Variants in CUL9 observed in about 807,000 individuals in gnomAD.
The protein encoded by CUL9 is cullin-9.
In CUL9, 79 loss-of-function variants were observed where a neutral mutation model predicts 272.6. The observed-to-expected ratio is 0.29, with a 90% CI of 0.24 to 0.35. The LOEUF (loss-of-function observed/expected upper bound fraction) is 0.35. Among genes scored for constraint, CUL9 ranks in the 10% least tolerant of loss-of-function variants. The pLI is 1.00. For synonymous variants in CUL9, 1,186 were observed against 1,286.5 expected (o/e 0.92, Z 1.67); for missense variants, 2,532 against 3,255.6 (o/e 0.78, Z 5.41).
rs1774031199 is a variant in CUL9, at chr6:43,196,720, GATTATAACCCA to G, written c.2663_2673del (p.Ile888ArgfsTer8). 3 of 1,614,230 alleles carry G rather than the reference GATTATAACCCA, an allele frequency of 1.9e-6. No individual in the cohort carries two copies. The East Asian group carries it at 6.7e-5, about 36-fold the overall frequency. ...GCAACCACCACACTCTGGGAGACCA[GATTATAACCCA>G]AGAGCTGAGAGACACGTTGTTTAGG... On this transcript the variant is annotated frameshift_variant, in exon 11 of 41. Coordinates refer to ENST00000252050, the MANE Select transcript of CUL9 (RefSeq NM_015089.4). LOFTEE classifies it high-confidence loss of function.
At chr6:43,197,297 C>T (rs751364285) in intron 11 of CUL9, among the ~76,000 whole-genome samples, 21 of 151,596 alleles carry the variant, frequency 1.4e-4, no homozygotes, top group African/African-American at 3.9e-4. Context: ...TCCACTGCCT[C>T]GGCCTCCCAA....
Position 43,205,342 on chromosome 6 carries a change from T to C in CUL9, c.4712T>C (p.Leu1571Pro), listed in dbSNP as rs1359608837. Reference sequence around the variant, plus strand: ...GGTGGAGCCCCTGGAGTGGAAATGCTGGGGCAGCTTCAGCGGCACCTGGAA... The same window carrying C: ...GGTGGAGCCCCTGGAGTGGAAATGCCGGGGCAGCTTCAGCGGCACCTGGAA... ...LIGGAPGVEM[L>P]GQLQRHLEPI... is the part of the protein sequence containing the mutation. Residue 1571 changes from leucine to proline, a missense_variant, in exon 24 of 41, where the codon CTG becomes CCG. Around this residue, in one of 3 missense-constraint regions of CUL9, gnomAD observed 2,218 missense variants for 2,788.6 expected, o/e 0.80. Transcript: ENST00000252050. The C allele has an allele frequency of 6.2e-7, 1 of 1,614,184 alleles. No homozygotes were observed.
Position 43,200,293 on chromosome 6 carries a change from C to T in CUL9, c.3384+137C>T, listed in dbSNP as rs1774401358. On this transcript the variant is annotated intron_variant, in intron 14 of 40. Transcript: ENST00000252050. This position sits in a 1 kb window ranked among gnomAD's most constrained non-coding sequence, Gnocchi z 4.0. Reference sequence around the variant, plus strand: ...TGGGGCACTTGTTTCCTAACCTTGACTCCACATGGTTCTGTCAAAATGTGG... The same window carrying T: ...TGGGGCACTTGTTTCCTAACCTTGATTCCACATGGTTCTGTCAAAATGTGG... 4 of 1,487,776 alleles carry T rather than the reference C, an allele frequency of 2.7e-6. No homozygotes were observed. The highest frequency in any genetic ancestry group is 4.7e-5 in the East Asian group (2 of 42,694). 92.2% of individuals were successfully genotyped at this position (1,487,776 alleles called of 1,614,324 possible).
chr6:43,201,606 A>T (rs546533271), intron 16 of CUL9, among the ~76,000 whole-genome samples: 1 of 152,230 alleles, frequency 6.6e-6, no homozygotes, highest in Admixed American at 6.5e-5. Context: ...CAGCCTCCCG[A>T]GTAGCTGGGA....
At position 43,203,526 on chromosome 6, in the gene CUL9, T is replaced by C. The variant is rs752788530; in HGVS notation, c.3959T>C (p.Ile1320Thr). Reference sequence around the variant, plus strand: ...CGCCGAACATGTCTCTTCTACACAATTCGGGCACAAGCCTGGAGCCGGGAC... The same window carrying C: ...CGCCGAACATGTCTCTTCTACACAACTCGGGCACAAGCCTGGAGCCGGGAC... ...LCRRTCLFYT[I>T]RAQAWSRDIA... The change falls in exon 19 of 41, where the codon ATT (isoleucine) becomes ACT (threonine). Residue 1320 changes from isoleucine (I) to threonine (T), a missense_variant. Coordinates refer to ENST00000252050, the MANE Select transcript of CUL9 (RefSeq NM_015089.4). This position sits in a 1 kb window ranked among gnomAD's most constrained non-coding sequence, Gnocchi z 5.0. The C allele has an allele frequency of 1.2e-6, 2 of 1,614,084 alleles. No individual in the cohort carries two copies. The highest frequency in any genetic ancestry group is 2.2e-5 in the South Asian group (2 of 91,080).
Position 43,184,972 on chromosome 6 carries a change from A to G in CUL9, c.595+67A>G. 8.0e-7 allele frequency: 1 copy of G among 1,242,346 alleles called. No homozygotes were observed. Among genetic ancestry groups the G allele is most frequent in the Non-Finnish European group, 1.1e-6 (1 of 904,052 alleles). The allele number at this position is 1,242,346 out of a possible 1,614,324, so 77.0% of individuals were successfully genotyped here. A position where few individuals can be genotyped will look rare whatever the true frequency, so the allele number is the denominator to read the frequency against. On this transcript the variant is annotated intron_variant, in intron 2 of 40. Transcript: ENST00000252050. This position sits in a 1 kb window ranked among gnomAD's most constrained non-coding sequence, Gnocchi z 4.8. ...GGGGCCACAGGGAATAAGAAAGAGG[A>G]GAGATTTCCTAGCTCTGTAAGAACA...
At chr6:43,202,389 TTTAAA>T (rs1446738377) in intron 16 of CUL9, among the ~76,000 whole-genome samples, 1 of 152,050 alleles carries the variant, frequency 6.6e-6, no homozygotes, top group African/African-American at 2.4e-5. Context: ...AAACTGTGGG[TTTAAA>T]TTAAGTCACT....
chr6:43,221,367 A>C lies in CUL9; in HGVS notation c.6752+46A>C. ...GGGAGCCAGAGGGCAAGGAGGGGGGAGGAGGCCTGGCAGAAGGAGGGGGGA... is the reference window on the plus strand; with the variant it reads ...GGGAGCCAGAGGGCAAGGAGGGGGGCGGAGGCCTGGCAGAAGGAGGGGGGA... On this transcript the variant is annotated intron_variant, in intron 34 of 40. Coordinates refer to ENST00000252050, the MANE Select transcript of CUL9 (RefSeq NM_015089.4). This position sits in a 1 kb window ranked among gnomAD's most constrained non-coding sequence, Gnocchi z 4.2. The C allele has an allele frequency of 2.3e-6, 2 of 886,620 alleles. No individual in the cohort carries two copies. The highest frequency in any genetic ancestry group is 1.9e-5 in the African/African-American group (1 of 53,970). The allele number at this position is 886,620 out of a possible 1,614,324, so 54.9% of individuals were successfully genotyped here. A position where few individuals can be genotyped will look rare whatever the true frequency, so the allele number is the denominator to read the frequency against.
At position 43,203,285 on chromosome 6, in the gene CUL9, A is replaced by G; in HGVS notation, c.3849+81A>G. 6.3e-7 allele frequency: 1 copy of G among 1,596,960 alleles called. No individual in the cohort carries two copies. Among genetic ancestry groups the G allele is most frequent in the African/African-American group, 1.3e-5 (1 of 74,666 alleles). On this transcript the variant is annotated intron_variant, in intron 18 of 40. Coordinates refer to ENST00000252050, the MANE Select transcript of CUL9 (RefSeq NM_015089.4). The surrounding 1 kb of genome is among the most constrained non-coding windows in gnomAD (Gnocchi z 5.0). ...CCTTGATCTGCTTGGGAGATGGCCC[A>G]GGACCTGTTGAGTCCCAGAGATGTG...
chr6:43,206,312 G>A lies in CUL9; in HGVS notation c.5023-9G>A, dbSNP rs1775040911. ...GCCCAAGGGCCCTTGAAATCCTTCT[G>A]TCCCTCAGGAGGAAGAGGAGGAAGA... is the stretch of plus-strand genomic sequence containing the variant. On this transcript the variant is annotated splice_polypyrimidine_tract_variant and intron_variant, in intron 25 of 40. Coordinates refer to ENST00000252050, the MANE Select transcript of CUL9 (RefSeq NM_015089.4). This position sits in a 1 kb window ranked among gnomAD's most constrained non-coding sequence, Gnocchi z 4.8. 2 of 1,613,958 alleles carry A rather than the reference G, an allele frequency of 1.2e-6. No homozygotes were observed. Among genetic ancestry groups the A allele is most frequent in the Non-Finnish European group, 1.7e-6 (2 of 1,179,880 alleles).
At chr6:43,209,159 T>C (rs1775269448) in intron 26 of CUL9, among the ~76,000 whole-genome samples, 1 of 150,576 alleles carries the variant, frequency 6.6e-6, no homozygotes, top group Non-Finnish European at 1.5e-5. Flanking sequence ...TTTTTTTTTT[T>C]TTTGGAAACG....
chr6:43,224,523 G>C lies in CUL9; in HGVS notation c.*78G>C, dbSNP rs1392082221. ...GGGCGGGAGCTGCCCCTGTCATAGG[G>C]AGGGGGATTCCCAGCGTCTGTAGTG... On this transcript the variant is annotated 3_prime_UTR_variant, in exon 41 of 41. Coordinates refer to ENST00000252050, the MANE Select transcript of CUL9 (RefSeq NM_015089.4). This position sits in a 1 kb window ranked among gnomAD's most constrained non-coding sequence, Gnocchi z 4.2. The C allele has an allele frequency of 7.3e-7, 1 of 1,365,526 alleles. No homozygotes were observed. Among genetic ancestry groups the C allele is most frequent in the East Asian group, 2.4e-5 (1 of 42,462 alleles). 84.6% of individuals were successfully genotyped at this position (1,365,526 alleles called of 1,614,324 possible).
chr6:43,216,564 T>A (rs1378080676), intron 31 of CUL9, 61 bp downstream of exon 31: 2 of 1,429,144 alleles, frequency 1.4e-6, no homozygotes, highest in African/African-American at 2.8e-5. Context: ...ACAAAATTCC[T>A]TGGGAATTCT....
At chr6:43,219,950 A>G (rs1776211895) in intron 31 of CUL9, among the ~76,000 whole-genome samples, 1 of 151,956 alleles carries the variant, frequency 6.6e-6, no homozygotes, top group Admixed American at 6.6e-5. Flanking sequence ...GGTTTGGGGG[A>G]CGCAATGGGC....
Position 43,196,274 on chromosome 6 carries a change from A to G in CUL9, c.2585+9A>G. On this transcript the variant is annotated intron_variant, in intron 10 of 40. Coordinates refer to ENST00000252050, the MANE Select transcript of CUL9 (RefSeq NM_015089.4). Reference sequence around the variant, plus strand: ...ATGCTGAATACTGAGGGGTCAGGGCATTACCTTCCCAACTCCAGGCTCCTG... The same window carrying G: ...ATGCTGAATACTGAGGGGTCAGGGCGTTACCTTCCCAACTCCAGGCTCCTG... 3.7e-6 allele frequency: 6 copies of G among 1,608,266 alleles called. No individual in the cohort carries two copies. In the South Asian group the frequency reaches 4.4e-5, roughly 12 times the overall value.
At chr6:43,219,283 T>C (rs1022626363) in intron 31 of CUL9, among the ~76,000 whole-genome samples, 3 of 152,102 alleles carry the variant, frequency 2.0e-5, no homozygotes, top group Non-Finnish European at 2.9e-5. Context: ...CTGTGCAGCA[T>C]TGGTCACAGC....
Position 43,223,169 on chromosome 6 carries a change from C to T in CUL9, c.7151-95C>T, listed in dbSNP as rs1776510639. On this transcript the variant is annotated intron_variant, in intron 38 of 40. Coordinates refer to ENST00000252050, the MANE Select transcript of CUL9 (RefSeq NM_015089.4). The surrounding 1 kb of genome is among the most constrained non-coding windows in gnomAD (Gnocchi z 4.1). Reference sequence around the variant, plus strand: ...CTTCATGAGAATGTCTAGAGCTGCACCTGGTGCTTGGTAGACGTTCCATAG... The same window carrying T: ...CTTCATGAGAATGTCTAGAGCTGCATCTGGTGCTTGGTAGACGTTCCATAG... 2.7e-6 allele frequency: 4 copies of T among 1,464,026 alleles called. No homozygotes were observed. The highest frequency in any genetic ancestry group is 3.7e-6 in the Non-Finnish European group (4 of 1,090,354). The allele number at this position is 1,464,026 out of a possible 1,614,324, so 90.7% of individuals were successfully genotyped here.
rs2150646203 is a variant in CUL9, at chr6:43,220,175, T to C, written c.6283-284T>C. Among the ~76,000 whole-genome samples the C allele has an allele frequency of 6.6e-6, 1 of 152,302 alleles. No homozygotes were observed. Among genetic ancestry groups the C allele is most frequent in the South Asian group, 2.1e-4 (1 of 4,824 alleles). ...TGAGAATTTGAATCGTTCTCCTTTT[T>C]CTTAATTATTTTTACCCATTCCCTC... On this transcript the variant is annotated intron_variant, in intron 31 of 40. Transcript: ENST00000252050. This position sits in a 1 kb window ranked among gnomAD's most constrained non-coding sequence, Gnocchi z 4.9.
chr6:43,184,635 G>C lies in CUL9; in HGVS notation c.325G>C (p.Glu109Gln). The C allele has an allele frequency of 6.2e-7, 1 of 1,611,838 alleles. No homozygotes were observed. The highest frequency in any genetic ancestry group is 8.5e-7 in the Non-Finnish European group (1 of 1,178,072). The change falls in exon 2 of 41, where the codon GAA becomes CAA. Residue 109 changes from glutamate to glutamine, a missense_variant. This residue lies in a region of CUL9 where 2,218 missense variants were observed against 2,788.6 expected (regional missense o/e 0.80). Coordinates refer to ENST00000252050, the MANE Select transcript of CUL9 (RefSeq NM_015089.4). The surrounding 1 kb of genome is among the most constrained non-coding windows in gnomAD (Gnocchi z 4.8). The part of the protein sequence containing the change: ...SFPRDPGGLD[E>Q]VAMGEMEADV... The stretch of plus-strand genomic sequence containing the variant: ...TCCTCGAGATCCAGGAGGCCTGGAT[G>C]AAGTGGCAATGGGAGAGATGGAGGC...
Sources: allele counts gnomAD v4.1 joint callset (sites outside exome capture counted in the v4.1 genomes callset), GRCh38; gene constraint gnomAD v4.1.1; regional missense constraint gnomAD v4.1.1; non-coding constraint Gnocchi (gnomAD v3.1); transcripts MANE v1.5; gene names NCBI Gene and HGNC (gene_info 2026-07-23, HGNC 2026-07-21).